NAALADL2: variants seen among roughly 807,000 people sequenced by gnomAD.
NAALADL2 encodes the protein N-acetylated alpha-linked acidic dipeptidase like 2.
NAALADL2 carries 76 observed loss-of-function variants against 87.2 expected under a neutral mutation model. The ratio of observed to expected loss-of-function variants is 0.87; its 90% CI spans 0.72 to 1.05. NAALADL2 has a LOEUF of 1.05. Ranked by LOEUF, NAALADL2 falls within the 50% of genes least tolerant of loss-of-function variation. The pLI is 0.00. For missense variants in NAALADL2, 1,089 were observed against 945.8 expected (o/e 1.15, Z -1.99); for synonymous variants, 354 against 331.0 (o/e 1.07, Z -0.75).
intron 1 of NAALADL2, among the ~76,000 whole-genome samples, chr3:175,018,844 T>C (rs1751197368): frequency 6.6e-6 from 1 of 151,888 alleles, no homozygotes; most frequent in African/African-American, 2.4e-5. Context: ...TCTATTGGTA[T>C]AGTTAGCTTT....
At chr3:175,450,658 C>T (rs116121675) in intron 6 of NAALADL2, among the ~76,000 whole-genome samples, 1,652 of 151,740 alleles carry the variant, frequency 0.011, 25 homozygotes, top group African/African-American at 0.037. Context: ...AACCAATCAT[C>T]ATAATATAGT....
intron 5 of NAALADL2, among the ~76,000 whole-genome samples, chr3:175,357,959 G>A (rs566073140): frequency 2.6e-4 from 40 of 152,248 alleles, no homozygotes; most frequent in Admixed American, 2.0e-3. Flanking sequence ...GGCAAAGGTG[G>A]GGAGGTTACC....
intron 2 of NAALADL2, among the ~76,000 whole-genome samples, chr3:174,581,260 G>A (rs2108560222): frequency 6.6e-6 from 1 of 152,144 alleles, no homozygotes; most frequent in Non-Finnish European, 1.5e-5. Context: ...AGTCCAGTGG[G>A]GAGACAAGGG....
intron 2 of NAALADL2, among the ~76,000 whole-genome samples, chr3:175,156,399 A>G (rs1732331368): frequency 6.7e-6 from 1 of 150,364 alleles, no homozygotes; most frequent in South Asian, 2.1e-4. Context: ...AAGATGAAAT[A>G]TGTGATTAGT....
intron 3 of NAALADL2, among the ~76,000 whole-genome samples, chr3:175,242,052 G>T (rs1166076950): frequency 4.6e-5 from 7 of 151,082 alleles, no homozygotes; most frequent in African/African-American, 9.7e-5. Flanking sequence ...AGTAGAGATG[G>T]GGTTTCACCA....
At chr3:174,727,942 T>G (rs1430313030) in intron 2 of NAALADL2, among the ~76,000 whole-genome samples, 1 of 152,154 alleles carries the variant, frequency 6.6e-6, no homozygotes, top group Non-Finnish European at 1.5e-5. Context: ...TTTTGCATTT[T>G]CCATAACCTA....
intron 1 of NAALADL2, among the ~76,000 whole-genome samples, chr3:174,474,200 C>T (rs1375444209): frequency 1.3e-5 from 2 of 152,170 alleles, no homozygotes; most frequent in Non-Finnish European, 2.9e-5. Context: ...GAAAATTACA[C>T]ATGCTCTCTA....
At chr3:174,823,904 T>A (rs528267103) in intron 3 of NAALADL2, among the ~76,000 whole-genome samples, 1 of 152,244 alleles carries the variant, frequency 6.6e-6, no homozygotes, top group Non-Finnish European at 1.5e-5. Context: ...AGATACGAGA[T>A]TTCACTATGT....
At chr3:175,744,957 A>G (rs1331390283) in intron 12 of NAALADL2, among the ~76,000 whole-genome samples, 4 of 151,114 alleles carry the variant, frequency 2.6e-5, no homozygotes, top group Non-Finnish European at 5.9e-5. Flanking sequence ...ATTGCAGTGA[A>G]AAAAAAAAAC....
At chr3:175,792,589 G>A (rs940417830) in intron 13 of NAALADL2, among the ~76,000 whole-genome samples, 16 of 152,102 alleles carry the variant, frequency 1.1e-4, no homozygotes, top group Non-Finnish European at 1.9e-4. Flanking sequence ...TTAGGTCAAA[G>A]AAAACTATAT....
chr3:175,441,657 C>G (rs1010855154), intron 5 of NAALADL2, among the ~76,000 whole-genome samples: 5 of 131,794 alleles, frequency 3.8e-5, no homozygotes, highest in Admixed American at 2.5e-4. Context: ...GAGTGAGTAG[C>G]AAGGATCTCA....
intron 2 of NAALADL2, among the ~76,000 whole-genome samples, chr3:174,619,921 T>G (rs1211852872): frequency 6.6e-6 from 1 of 152,014 alleles, no homozygotes; most frequent in Non-Finnish European, 1.5e-5. Context: ...GTGAATTACA[T>G]GCATTTTTCA....
At chr3:174,901,792 C>T (rs1732340231) in intron 1 of NAALADL2, among the ~76,000 whole-genome samples, 1 of 152,122 alleles carries the variant, frequency 6.6e-6, no homozygotes, top group South Asian at 2.1e-4. Context: ...GGCCAATGAT[C>T]ATGAGCACTA....
intron 3 of NAALADL2, among the ~76,000 whole-genome samples, chr3:174,778,277 A>G (rs1434863104): frequency 6.6e-6 from 1 of 152,124 alleles, no homozygotes; most frequent in East Asian, 1.9e-4. Context: ...ACTTCTCATC[A>G]TATAATATGT....
intron 2 of NAALADL2, among the ~76,000 whole-genome samples, chr3:175,119,885 T>C (rs200240949): frequency 2.7e-5 from 3 of 110,532 alleles, no homozygotes; most frequent in Non-Finnish European, 5.7e-5. Flanking sequence ...TGTATATATA[T>C]ACATATATAT....
rs112468929 is a variant in NAALADL2 at position 174,483,416 on chromosome 3, A to T, written c.-184+42384A>T. 5.3e-3 allele frequency among the ~76,000 whole-genome samples: 813 copies of T among 152,082 alleles called. 7 individuals are homozygous for T. The highest frequency in any genetic ancestry group is 0.041 in the East Asian group (209 of 5,128). ...TCACATCTCGTGAGAATTCACTATT[A>T]TGAGAACAGCATGGGGAAACCACTC... On this transcript the variant is annotated intron_variant, in intron 1 of 3. Transcript: ENST00000434257.
intron 1 of NAALADL2, among the ~76,000 whole-genome samples, chr3:175,012,617 G>A (rs1749994731): frequency 6.6e-6 from 1 of 151,964 alleles, no homozygotes; most frequent in Non-Finnish European, 1.5e-5. Flanking sequence ...AAAAATTACA[G>A]CCCTCAGGCC....
rs769110915 is a variant in NAALADL2 at position 174,445,011 on chromosome 3, AT to A, written c.-184+3994del. Among the ~76,000 whole-genome samples, 481 of 144,012 alleles carry A rather than the reference AT, an allele frequency of 3.3e-3. 2 individuals are homozygous for A. The highest frequency in any genetic ancestry group is 4.9e-3 in the African/African-American group (194 of 39,604). 94.5% of individuals were successfully genotyped at this position (144,012 alleles called of 152,430 possible). ...AGTTGGAAATGGAACCTTGTTTGAG[AT>A]TTTTTTTTTTTTTTCAGTTATTTAG... On this transcript the variant is annotated intron_variant, in intron 1 of 3. Coordinates refer to the NAALADL2 transcript ENST00000434257.
At chr3:174,709,408 C>A (rs983954734) in intron 2 of NAALADL2, among the ~76,000 whole-genome samples, 10 of 151,904 alleles carry the variant, frequency 6.6e-5, no homozygotes, top group African/African-American at 2.2e-4. Context: ...TAGGAACTGG[C>A]AAATGATATA....
Sources: gnomAD v4.1 joint callset for allele counts (sites outside exome capture counted in the v4.1 genomes callset) on GRCh38, gnomAD v4.1.1 for gene constraint, MANE v1.5 for transcripts, NCBI Gene and HGNC (gene_info 2026-07-23, HGNC 2026-07-21) for gene names.